The following RAPGEF1 variants were observed in gnomAD, a reference collection of about 807,000 sequenced individuals.
The protein encoded by RAPGEF1 is CRK SH3-binding GNRP.
In RAPGEF1, 33 loss-of-function variants were observed where a neutral mutation model predicts 143.3. The ratio of observed to expected loss-of-function variants is 0.23; its 90% confidence interval spans 0.17 to 0.31. RAPGEF1 has a LOEUF of 0.31. Ranked by LOEUF, RAPGEF1 falls within the 10% of genes least tolerant of loss-of-function variation. The pLI is 1.00. For missense variants in RAPGEF1, 1,199 were observed against 1,645.4 expected (o/e 0.73, Z 4.69); for synonymous variants, 629 against 676.5 (o/e 0.93, Z 1.09).
At position 131,584,839 on chromosome 9, in the gene RAPGEF1, G is replaced by A. The variant is rs1049452183; in HGVS notation, c.3234-243C>T. Among the ~76,000 whole-genome samples, 4 of 152,204 alleles carry A rather than the reference G, an allele frequency of 2.6e-5. No individual in the cohort carries two copies. Among genetic ancestry groups the A allele is most frequent in the Admixed American group, 2.6e-4 (4 of 15,264 alleles). On this transcript the variant is annotated intron_variant, in intron 22 of 26. Coordinates refer to ENST00000683357, the MANE Select transcript of RAPGEF1 (RefSeq NM_001377935.1). This position sits in a 1 kb window ranked among gnomAD's most constrained non-coding sequence, Gnocchi z 6.8. Reference sequence around the variant, plus strand: ...AATCTGGTGACCATAAGGAAATCTGGTGAAGGCCCAAAGGGGGCTTCGAAT... The same window carrying A: ...AATCTGGTGACCATAAGGAAATCTGATGAAGGCCCAAAGGGGGCTTCGAAT...
chr9:131,716,955 G>A (rs1018396883), intron 1 of RAPGEF1, among the ~76,000 whole-genome samples: 3 of 152,122 alleles, frequency 2.0e-5, no homozygotes, highest in African/African-American at 7.2e-5. Flanking sequence ...CTGCCTGCCT[G>A]CACTGTAGCT....
Position 131,622,260 on chromosome 9 carries a change from A to C in RAPGEF1, c.1703-262T>G, listed in dbSNP as rs35367287. On this transcript the variant is annotated intron_variant, in intron 10 of 26. Transcript: ENST00000683357. ...GAACTGGGGACTCAAGCGAGGGCAC[A>C]TGGCGGGTGCAGGGATGGCAAGTCT... Among the ~76,000 whole-genome samples the C allele has an allele frequency of 0.21, 32,713 of 152,196 alleles. 4,184 individuals carry two copies. Among genetic ancestry groups the C allele is most frequent in the Non-Finnish European group, 0.29 (19,653 of 67,988 alleles).
rs573173607 is a variant in RAPGEF1, at chr9:131,669,141, C to T, written c.62-18192G>A. Among the ~76,000 whole-genome samples, 31 of 152,320 alleles carry T rather than the reference C, an allele frequency of 2.0e-4. No homozygotes were observed. In the South Asian group the frequency reaches 6.0e-3, roughly 29 times the overall value. On this transcript the variant is annotated intron_variant, in intron 1 of 26. Transcript: ENST00000683357. Reference sequence around the variant, plus strand: ...CCTGCAGGCAGGAGGTGGCAGCAGACGGCCCCCACCTCTGCTGCGCTAGCC... The same window carrying T: ...CCTGCAGGCAGGAGGTGGCAGCAGATGGCCCCCACCTCTGCTGCGCTAGCC...
intron 18 of RAPGEF1, among the ~76,000 whole-genome samples, chr9:131,591,054 C>T (rs898470944): frequency 1.3e-5 from 2 of 152,274 alleles, no homozygotes; most frequent in African/African-American, 2.4e-5. Flanking sequence ...AAGCACATCT[C>T]GCCTGACCAG....
chr9:131,670,216 A>G (rs1831147015), intron 1 of RAPGEF1, among the ~76,000 whole-genome samples: 1 of 152,182 alleles, frequency 6.6e-6, no homozygotes, highest in South Asian at 2.1e-4. Flanking sequence ...TTGTTCAAAC[A>G]AAGCAGAATT....
chr9:131,638,889 C>T, intron 4 of RAPGEF1, 98 bp from the exon 5 acceptor site: 3 of 1,309,708 alleles, frequency 2.3e-6, no homozygotes, highest in African/African-American at 1.5e-5. Flanking sequence ...GTTTCTCCAA[C>T]TTTCTTTGTG....
At chr9:131,666,215 T>C (rs940910125) in intron 1 of RAPGEF1, among the ~76,000 whole-genome samples, 2 of 152,168 alleles carry the variant, frequency 1.3e-5, no homozygotes, top group African/African-American at 4.8e-5. Flanking sequence ...GAACTTTCTT[T>C]GGTGGGACGC....
chr9:131,598,316 G>T lies in RAPGEF1; in HGVS notation c.2502-6C>A. 1.2e-6 allele frequency: 2 copies of T among 1,612,390 alleles called. No individual in the cohort carries two copies. The highest frequency in any genetic ancestry group is 1.3e-5 in the African/African-American group (1 of 75,020). ...CATCTGGTGACTTTGGGGCCCTGCG[G>T]GGAGAAGTGGTTTGTGTTGCAAGTG... On this transcript the variant is annotated splice_region_variant and splice_polypyrimidine_tract_variant and intron_variant, in intron 15 of 26. Coordinates refer to ENST00000683357, the MANE Select transcript of RAPGEF1 (RefSeq NM_001377935.1).
At chr9:131,737,258 G>T in intron 1 of RAPGEF1, 1 of 1,317,900 alleles carries the variant, frequency 7.6e-7, no homozygotes, top group South Asian at 1.3e-5. Flanking sequence ...CACACTTTCC[G>T]CAGCTCCTGG....
At chr9:131,586,294 C>G (rs1162157510) in intron 22 of RAPGEF1, among the ~76,000 whole-genome samples, 1 of 89,704 alleles carries the variant, frequency 1.1e-5, no homozygotes, top group Non-Finnish European at 2.1e-5. Flanking sequence ...ACCTGCAGAG[C>G]CAGACTCCGT....
intron 12 of RAPGEF1, among the ~76,000 whole-genome samples, chr9:131,608,023 G>A (rs184290611): frequency 1.6e-3 from 237 of 152,334 alleles, no homozygotes; most frequent in African/African-American, 5.3e-3. Context: ...ACAGGGCAGC[G>A]GCTGACTGCA....
At chr9:131,609,664 C>T (rs563155583) in intron 12 of RAPGEF1, among the ~76,000 whole-genome samples, 11 of 152,266 alleles carry the variant, frequency 7.2e-5, no homozygotes, top group East Asian at 5.8e-4. Flanking sequence ...CACTGGGCCC[C>T]GGAGTCGAAA....
intron 1 of RAPGEF1, among the ~76,000 whole-genome samples, chr9:131,725,759 T>TG (rs1564206706): frequency 7.2e-6 from 1 of 138,754 alleles, no homozygotes; most frequent in Non-Finnish European, 1.6e-5. Flanking sequence ...AATTGGGTTG[T>TG]GTTTTTTTTT....
At chr9:131,708,873 C>G (rs909142814) in intron 1 of RAPGEF1, among the ~76,000 whole-genome samples, 22 of 152,114 alleles carry the variant, frequency 1.4e-4, no homozygotes, top group African/African-American at 5.1e-4. Flanking sequence ...GCTGGAAATA[C>G]AGGTGCCCAC....
intron 10 of RAPGEF1, 149 bp downstream of exon 10, chr9:131,625,773 G>T: frequency 1.9e-6 from 2 of 1,032,544 alleles, no homozygotes; most frequent in Non-Finnish European, 2.7e-6. Flanking sequence ...ACAAAACCTG[G>T]CTCCCAGAAG....
chr9:131,655,820 C>T lies in RAPGEF1; in HGVS notation c.62-4871G>A, dbSNP rs190194015. On this transcript the variant is annotated intron_variant, in intron 1 of 26. Coordinates refer to ENST00000683357, the MANE Select transcript of RAPGEF1 (RefSeq NM_001377935.1). The surrounding 1 kb of genome is among the most constrained non-coding windows in gnomAD (Gnocchi z 4.1). ...GCCAGGATGGTCTCGATCTCCTGAC[C>T]TCGTGATCCACCTGCCTTGGCCTCC... 4.1e-4 allele frequency among the ~76,000 whole-genome samples: 62 copies of T among 152,246 alleles called. 1 individual carries two copies. In the South Asian group the frequency reaches 8.5e-3, roughly 21 times the overall value.
At chr9:131,651,647 T>C (rs916102683) in intron 1 of RAPGEF1, among the ~76,000 whole-genome samples, 11 of 152,110 alleles carry the variant, frequency 7.2e-5, no homozygotes. Flanking sequence ...AATAAAAAAA[T>C]AGAAAATTGG....
At chr9:131,736,318 T>G (rs1361208551) in intron 1 of RAPGEF1, among the ~76,000 whole-genome samples, 2 of 152,160 alleles carry the variant, frequency 1.3e-5, no homozygotes, top group Admixed American at 6.5e-5. Flanking sequence ...CATCCCAGCT[T>G]GTTCCTGGCC....
rs201535263 is a variant in RAPGEF1 at position 131,628,630 on chromosome 9, C to A, written c.936G>T (p.Pro312=). The stretch of plus-strand genomic sequence containing the variant: ...CCACCACAGCCACTCGGGTAGGGGA[C>A]GGCGCCGACTGTCTTTTCTTGGGTG... ...ALPPKKRQSA[P]SPTRVAVVAP... The change falls in exon 8 of 27, where the codon CCG becomes CCT. Residue 312 remains proline, a synonymous_variant. Transcript: ENST00000683357. The surrounding 1 kb of genome is among the most constrained non-coding windows in gnomAD (Gnocchi z 5.7). 2 of 1,611,416 alleles carry A rather than the reference C, an allele frequency of 1.2e-6. No individual in the cohort carries two copies. The highest frequency in any genetic ancestry group is 3.3e-5 in the Admixed American group (2 of 59,914).
Sources: allele counts gnomAD v4.1 joint callset (sites outside exome capture counted in the v4.1 genomes callset), GRCh38; gene constraint gnomAD v4.1.1; non-coding constraint Gnocchi (gnomAD v3.1); transcripts MANE v1.5; gene names NCBI Gene and HGNC (gene_info 2026-07-23, HGNC 2026-07-21).